RCOR1: variants seen among roughly 807,000 people sequenced by gnomAD.
RCOR1 encodes REST corepressor.
Under a neutral mutation model 64.0 loss-of-function variants are expected in RCOR1, and 12 were observed. The ratio of observed to expected loss-of-function variants is 0.19; its 90% confidence interval spans 0.12 to 0.30. RCOR1 has a LOEUF of 0.30. RCOR1 is among the 10% of genes least tolerant of loss of function. The pLI is 1.00. For synonymous variants in RCOR1, 279 were observed against 227.2 expected (o/e 1.23, Z -2.05); for missense variants, 502 against 621.2 (o/e 0.81, Z 2.04).
chr14:102,662,626 A>C, intron 2 of RCOR1: 1 of 448,706 alleles, frequency 2.2e-6, no homozygotes, highest in South Asian at 1.8e-5. Context: ...GCCTTTCAAC[A>C]CTGCTTTCTT....
At chr14:102,709,676 CAT>C in intron 6 of RCOR1, among the ~76,000 whole-genome samples, 1 of 152,274 alleles carries the variant, frequency 6.6e-6, no homozygotes, top group Non-Finnish European at 1.5e-5. Flanking sequence ...GATACATCTG[CAT>C]ATTTTTGCCT....
At chr14:102,673,579 C>T (rs981834927) in intron 2 of RCOR1, among the ~76,000 whole-genome samples, 20 of 151,964 alleles carry the variant, frequency 1.3e-4, no homozygotes, top group Non-Finnish European at 2.4e-4. Context: ...TTGTGATCCG[C>T]CCGCCTTGGC....
intron 2 of RCOR1, among the ~76,000 whole-genome samples, chr14:102,636,408 G>T (rs1894238646): frequency 6.6e-6 from 1 of 151,814 alleles, no homozygotes; most frequent in Non-Finnish European, 1.5e-5. Context: ...CTCCCAAGTA[G>T]CTGGGATTAC....
At chr14:102,709,195 A>C (rs1052007325) in intron 6 of RCOR1, among the ~76,000 whole-genome samples, 2 of 152,204 alleles carry the variant, frequency 1.3e-5, no homozygotes, top group African/African-American at 4.8e-5. Context: ...CACAGGCTAC[A>C]CTGGGATGTT....
chr14:102,641,439 A>G (rs1037821052), intron 2 of RCOR1, among the ~76,000 whole-genome samples: 1 of 151,982 alleles, frequency 6.6e-6, no homozygotes, highest in Non-Finnish European at 1.5e-5. Context: ...ATCTCTACAA[A>G]AAGTACAAAA....
At chr14:102,675,347 A>G (rs1390685295) in intron 2 of RCOR1, among the ~76,000 whole-genome samples, 1 of 152,162 alleles carries the variant, frequency 6.6e-6, no homozygotes, top group Non-Finnish European at 1.5e-5. Flanking sequence ...GGTTCTTCCT[A>G]TGCATACATA....
chr14:102,677,072 G>A (rs1895187344), intron 2 of RCOR1, among the ~76,000 whole-genome samples: 1 of 125,124 alleles, frequency 8.0e-6, no homozygotes, highest in Admixed American at 7.5e-5. Flanking sequence ...GGCTGGCCGG[G>A]CAGAGGGGCT....
intron 2 of RCOR1, among the ~76,000 whole-genome samples, chr14:102,652,236 G>T (rs547331271): frequency 2.6e-5 from 4 of 152,278 alleles, no homozygotes; most frequent in Admixed American, 2.0e-4. Flanking sequence ...TTATAGAAGA[G>T]AAAATTGAAA....
At chr14:102,595,531 A>G (rs945356453) in intron 2 of RCOR1, among the ~76,000 whole-genome samples, 2 of 152,026 alleles carry the variant, frequency 1.3e-5, no homozygotes, top group African/African-American at 4.8e-5. Flanking sequence ...GTTTTGCTGC[A>G]TAGTCTTGCT....
At chr14:102,653,927 C>CTTTCT (rs1567423183) in intron 2 of RCOR1, among the ~76,000 whole-genome samples, 1 of 21,726 alleles carries the variant, frequency 4.6e-5, no homozygotes, top group Admixed American at 5.3e-4. Flanking sequence ...TTCCTTCTTT[C>CTTTCT]TTTCTTTCTT....
At chr14:102,636,770 G>C (rs1268546367) in intron 2 of RCOR1, among the ~76,000 whole-genome samples, 4 of 149,648 alleles carry the variant, frequency 2.7e-5, no homozygotes, top group Non-Finnish European at 5.9e-5. Flanking sequence ...AGGAGTTCGA[G>C]ACCAGCCTGG....
intron 2 of RCOR1, among the ~76,000 whole-genome samples, chr14:102,607,797 G>A (rs367929667): frequency 5.9e-5 from 9 of 152,314 alleles, no homozygotes; most frequent in African/African-American, 1.9e-4. Flanking sequence ...CAGGAGAATC[G>A]CTTGAACCCG....
chr14:102,721,577 G>A (rs1049244684), intron 10 of RCOR1, 200 bp downstream of exon 10: 2 of 388,652 alleles, frequency 5.1e-6, no homozygotes, highest in Non-Finnish European at 9.1e-6. Context: ...TTTTTTTAAT[G>A]GAAAAAAAAG....
Position 102,594,662 on chromosome 14 carries a change from CTTTTT to C in RCOR1, c.361+1347_361+1351del, listed in dbSNP as rs879395980. On this transcript the variant is annotated intron_variant, in intron 2 of 11. Transcript: ENST00000262241. ...TGATAGTTTCCTCTTCTCCCCAATT[CTTTTT>C]TTTTTTTTTGGTAGTCACTTCTCGT... Among the ~76,000 whole-genome samples the C allele has an allele frequency of 2.8e-5, 4 of 140,588 alleles. No individual in the cohort carries two copies. The East Asian group carries it at 8.1e-4, about 29-fold the overall frequency. The allele number at this position is 140,588 out of a possible 152,430, so 92.2% of individuals were successfully genotyped here.
At chr14:102,653,983 C>CTTTCTTT (rs1334055763) in intron 2 of RCOR1, among the ~76,000 whole-genome samples, 3 of 33,172 alleles carry the variant, frequency 9.0e-5, no homozygotes, top group South Asian at 1.3e-3. Flanking sequence ...TTCTTTCTTT[C>CTTTCTTT]TTTTTTTTTT....
At chr14:102,627,960 GGTGTGT>G (rs3069199) in intron 2 of RCOR1, among the ~76,000 whole-genome samples, 7 of 149,072 alleles carry the variant, frequency 4.7e-5, no homozygotes, top group Middle Eastern at 3.5e-3. Context: ...ATTTAAAAGG[GGTGTGT>G]GTGTGTGTGT....
chr14:102,604,276 C>G (rs1893459854), intron 2 of RCOR1, among the ~76,000 whole-genome samples: 2 of 152,200 alleles, frequency 1.3e-5, no homozygotes, highest in South Asian at 2.1e-4. Flanking sequence ...GTTAAAGTTA[C>G]AGCTTTGATC....
Position 102,592,689 on chromosome 14 carries a change from C to G in RCOR1, c.-198C>G, listed in dbSNP as rs1423417432. 9.0e-6 allele frequency: 11 copies of G among 1,226,870 alleles called. No homozygotes were observed. In the Admixed American group the frequency reaches 1.7e-4, roughly 19 times the overall value. The allele number at this position is 1,226,870 out of a possible 1,614,324, so 76.0% of individuals were successfully genotyped here. Reference sequence around the variant, plus strand: ...AGGGCGGCGATGAGAGCGAAAGTTGCGCTCGGCTCGTCGCTGGGGGCTTGA... The same window carrying G: ...AGGGCGGCGATGAGAGCGAAAGTTGGGCTCGGCTCGTCGCTGGGGGCTTGA... On this transcript the variant is annotated 5_prime_UTR_variant, in exon 1 of 12. Coordinates refer to ENST00000262241, the MANE Select transcript of RCOR1 (RefSeq NM_015156.4).
At chr14:102,720,547 G>A (rs915246867) in intron 8 of RCOR1, among the ~76,000 whole-genome samples, 51 of 144,574 alleles carry the variant, frequency 3.5e-4, no homozygotes, top group Admixed American at 3.5e-3. Context: ...GTGTAGAAGC[G>A]GTGGACAGCA....
Sources: allele counts gnomAD v4.1 joint callset (sites outside exome capture counted in the v4.1 genomes callset), GRCh38; gene constraint gnomAD v4.1.1; transcripts MANE v1.5; gene names NCBI Gene and HGNC (gene_info 2026-07-23, HGNC 2026-07-21).